RTL4: variants seen among roughly 807,000 people sequenced by gnomAD.
RTL4 encodes the protein retrotransposon Gag like 4.
A neutral mutation model predicts 5.3 loss-of-function variants in RTL4; 4 were observed. The observed-to-expected ratio is 0.75, with a 90% CI of 0.37 to 1.72. The LOEUF (loss-of-function observed/expected upper bound fraction) is 1.72, where lower values mean the gene tolerates loss of function less well. RTL4 is among the 40% of genes most tolerant of loss of function. The pLI is 0.04. For missense variants in RTL4, 260 were observed against 227.1 expected (o/e 1.14, Z -0.93); for synonymous variants, 98 against 87.3 (o/e 1.12, Z -0.68).
chrX:112,355,543 G>A, the RTL4 span, among the ~76,000 whole-genome samples: 3 of 111,396 alleles, frequency 2.7e-5, no homozygotes, highest in African/African-American at 9.8e-5. Flanking sequence ...TTTCTTTCAT[G>A]CCAACAAAAG....
the RTL4 span, among the ~76,000 whole-genome samples, chrX:112,262,740 C>T: frequency 9.0e-6 from 1 of 111,011 alleles, no homozygotes; most frequent in Non-Finnish European, 1.9e-5. Flanking sequence ...AAGACACATG[C>T]ACGTGTATGT....
the RTL4 span, among the ~76,000 whole-genome samples, chrX:112,133,051 T>A: frequency 8.9e-6 from 1 of 112,115 alleles, no homozygotes; most frequent in Admixed American, 9.5e-5. Context: ...TCCACTAAAA[T>A]TTTGATGAGG....
chrX:112,208,799 G>T, the RTL4 span, among the ~76,000 whole-genome samples: 1 of 112,633 alleles, frequency 8.9e-6, no homozygotes, highest in South Asian at 3.7e-4. Flanking sequence ...GTCCTTGGGA[G>T]AAAGGGCTAT....
chrX:112,084,221 TCTC>T, the RTL4 span, among the ~76,000 whole-genome samples: 4 of 110,978 alleles, frequency 3.6e-5, no homozygotes, highest in Non-Finnish European at 7.5e-5. Flanking sequence ...CCCTAAGCAC[TCTC>T]CTCCTAGCCT....
chrX:112,328,513 C>T, the RTL4 span, among the ~76,000 whole-genome samples: 7 of 111,420 alleles, frequency 6.3e-5, no homozygotes, highest in Admixed American at 6.7e-4. Flanking sequence ...TAAAGCAAGT[C>T]CTGAGTGACC....
the RTL4 span, among the ~76,000 whole-genome samples, chrX:112,157,796 G>A: frequency 8.9e-6 from 1 of 111,965 alleles, no homozygotes. Flanking sequence ...ACTAGTCTCT[G>A]TTCTTCAGCT....
the RTL4 span, among the ~76,000 whole-genome samples, chrX:112,107,202 C>G: frequency 8.9e-6 from 1 of 111,817 alleles, no homozygotes; most frequent in Admixed American, 9.5e-5. Flanking sequence ...AAACTCTACA[C>G]TTTTACTCTA....
At chrX:112,154,551 A>G in the RTL4 span, among the ~76,000 whole-genome samples, 1 of 112,108 alleles carries the variant, frequency 8.9e-6, no homozygotes, top group Non-Finnish European at 1.9e-5. Context: ...TCCATACAGC[A>G]TGTATTTTGT....
chrX:112,397,187 C>A, the RTL4 span, among the ~76,000 whole-genome samples: 1 of 111,425 alleles, frequency 9.0e-6, no homozygotes, highest in East Asian at 2.8e-4. Flanking sequence ...CCCCATTATA[C>A]CAAAATTTGG....
chrX:112,329,554 A>T, the RTL4 span, among the ~76,000 whole-genome samples: 2 of 110,721 alleles, frequency 1.8e-5, no homozygotes, highest in African/African-American at 6.6e-5. Flanking sequence ...GACCAGATGG[A>T]TTCACAGCCG....
the RTL4 span, among the ~76,000 whole-genome samples, chrX:112,299,284 C>T: frequency 6.2e-5 from 7 of 112,148 alleles, no homozygotes; most frequent in Non-Finnish European, 1.3e-4. Flanking sequence ...CAGTGTGCCA[C>T]ACAAACATTG....
the RTL4 span, among the ~76,000 whole-genome samples, chrX:112,265,156 C>G: frequency 8.9e-6 from 1 of 112,767 alleles, no homozygotes; most frequent in Non-Finnish European, 1.9e-5. Flanking sequence ...GGCCAGGAGG[C>G]CAAGGACTTG....
At chrX:112,148,071 T>C in the RTL4 span, among the ~76,000 whole-genome samples, 6 of 111,279 alleles carry the variant, frequency 5.4e-5, no homozygotes, top group Non-Finnish European at 9.4e-5. Flanking sequence ...TCAGCCAACA[T>C]ACATTGAATG....
chrX:112,305,611 G>A, the RTL4 span, among the ~76,000 whole-genome samples: 4 of 111,130 alleles, frequency 3.6e-5, no homozygotes, highest in South Asian at 3.8e-4. Context: ...TGATCTGCCC[G>A]TCTCGGCCTC....
At chrX:112,099,604 G>C in the RTL4 span, among the ~76,000 whole-genome samples, 2 of 111,523 alleles carry the variant, frequency 1.8e-5, no homozygotes, top group Admixed American at 9.6e-5. Context: ...GGAAGGTGTG[G>C]TAGGATATAG....
the RTL4 span, among the ~76,000 whole-genome samples, chrX:112,142,820 CAAAGGAG>C: frequency 9.0e-6 from 1 of 111,405 alleles, no homozygotes; most frequent in Non-Finnish European, 1.9e-5. Context: ...ATCCTGAAGA[CAAAGGAG>C]AAATTTTTTT....
the RTL4 span, among the ~76,000 whole-genome samples, chrX:112,298,401 T>C: frequency 2.6e-4 from 29 of 112,021 alleles, no homozygotes; most frequent in Non-Finnish European, 4.5e-4. Flanking sequence ...AAATTCTGCC[T>C]CTAAACTAGA....
At chrX:112,086,691 G>A in the RTL4 span, among the ~76,000 whole-genome samples, 1 of 111,789 alleles carries the variant, frequency 8.9e-6, no homozygotes, top group African/African-American at 3.3e-5. Flanking sequence ...CCAATACCAC[G>A]TATATATATA....
At chrX:112,349,771 A>G in the RTL4 span, among the ~76,000 whole-genome samples, 1 of 97,874 alleles carries the variant, frequency 1.0e-5, no homozygotes, top group African/African-American at 3.8e-5. Context: ...GGGCTGAGAC[A>G]ATGGGGTTTT....
Sources: gnomAD v4.1 joint callset for allele counts (sites outside exome capture counted in the v4.1 genomes callset) on GRCh38, gnomAD v4.1.1 for gene constraint, MANE v1.5 for transcripts, NCBI Gene and HGNC (gene_info 2026-07-23, HGNC 2026-07-21) for gene names.